Variants in GBE1 observed in about 807,000 individuals in gnomAD.
GBE1 encodes 1,4-alpha-glucan branching enzyme 1.
A neutral mutation model predicts 88.8 loss-of-function variants in GBE1; 70 were observed. The ratio of observed to expected loss-of-function variants is 0.79; its 90% CI spans 0.65 to 0.96. The LOEUF is 0.96. Among genes scored for constraint, GBE1 ranks in the 40% least tolerant of loss-of-function variants. The pLI is 0.00. For synonymous variants in GBE1, 284 were observed against 300.1 expected (o/e 0.95, Z 0.56); for missense variants, 872 against 871.0 (o/e 1.00, Z -0.01).
At chr3:81,635,477 A>C (rs1203591353) in intron 7 of GBE1, among the ~76,000 whole-genome samples, 1 of 152,210 alleles carries the variant, frequency 6.6e-6, no homozygotes, top group African/African-American at 2.4e-5. Flanking sequence ...AAGTGACTCA[A>C]TGTAACATGA....
At chr3:81,549,776 C>G (rs1703249470) in intron 12 of GBE1, among the ~76,000 whole-genome samples, 1 of 151,562 alleles carries the variant, frequency 6.6e-6, no homozygotes, top group Non-Finnish European at 1.5e-5. Context: ...TCTTGCTGTA[C>G]TTTATACAAA....
At chr3:81,518,255 A>C (rs1002120059) in intron 14 of GBE1, among the ~76,000 whole-genome samples, 2 of 151,384 alleles carry the variant, frequency 1.3e-5, no homozygotes, top group African/African-American at 4.8e-5. Context: ...AAGTGAAGAG[A>C]CCATCATTGC....
intron 1 of GBE1, among the ~76,000 whole-genome samples, chr3:81,760,164 T>C (rs2680281): frequency 0.016 from 2,403 of 152,302 alleles, 57 homozygotes; most frequent in African/African-American, 0.054. Flanking sequence ...TCTGATTAAG[T>C]GAGGGACAGC....
At chr3:81,496,178 C>T (rs935489389) in intron 15 of GBE1, among the ~76,000 whole-genome samples, 1 of 152,136 alleles carries the variant, frequency 6.6e-6, no homozygotes, top group Non-Finnish European at 1.5e-5. Context: ...CAATAACTGC[C>T]AGTAAAGCAG....
At chr3:81,735,824 T>G (rs1706250409) in intron 1 of GBE1, among the ~76,000 whole-genome samples, 1 of 152,116 alleles carries the variant, frequency 6.6e-6, no homozygotes, top group African/African-American at 2.4e-5. Flanking sequence ...GTAGCAAATG[T>G]CAAGTTTCTA....
At position 81,501,994 on chromosome 3, in the gene GBE1, T is replaced by C. The variant is rs185976489; in HGVS notation, c.1935-2767A>G. Among the ~76,000 whole-genome samples, 531 of 145,906 alleles carry C rather than the reference T, an allele frequency of 3.6e-3. 9 individuals are homozygous for C. The highest frequency in any genetic ancestry group is 3.1e-3 in the Non-Finnish European group (206 of 67,264). The stretch of plus-strand genomic sequence containing the variant: ...GATTAATGAGCTACCATGCCTGGAA[T>C]GCTTTTTTTTTTTTTTTCTCTTAAT... On this transcript the variant is annotated intron_variant, in intron 14 of 15. Coordinates refer to ENST00000429644, the MANE Select transcript of GBE1 (RefSeq NM_000158.4).
At chr3:81,505,640 T>C (rs1431296700) in intron 14 of GBE1, among the ~76,000 whole-genome samples, 3 of 152,156 alleles carry the variant, frequency 2.0e-5, no homozygotes, top group African/African-American at 7.2e-5. Context: ...AGTTTCTTTC[T>C]CTAGTCTCTT....
chr3:81,538,559 T>C (rs1703104489), intron 12 of GBE1, among the ~76,000 whole-genome samples: 1 of 151,994 alleles, frequency 6.6e-6, no homozygotes, highest in Admixed American at 6.6e-5. Flanking sequence ...ACAAGGAATG[T>C]CCCTCTGCTA....
At chr3:81,679,269 T>G (rs1705305297) in intron 2 of GBE1, among the ~76,000 whole-genome samples, 1 of 152,194 alleles carries the variant, frequency 6.6e-6, no homozygotes, top group Non-Finnish European at 1.5e-5. Context: ...GCATAAGGTT[T>G]AATACACTTA....
chr3:81,648,840 C>A lies in GBE1; in HGVS notation c.691+16G>T. The A allele has an allele frequency of 1.4e-6, 2 of 1,421,324 alleles. No individual in the cohort carries two copies. The highest frequency in any genetic ancestry group is 3.0e-5 in the South Asian group (2 of 66,178). The allele number at this position is 1,421,324 out of a possible 1,614,324, so 88.0% of individuals were successfully genotyped here. On this transcript the variant is annotated intron_variant, in intron 5 of 15. Transcript: ENST00000429644. Reference sequence around the variant, plus strand: ...ATTAAAATTTTATCTGAATAAAAATCACAGTTATTACTTACCAAGGCCTTT... The same window carrying A: ...ATTAAAATTTTATCTGAATAAAAATAACAGTTATTACTTACCAAGGCCTTT...
At chr3:81,547,692 G>A (rs888004919) in intron 12 of GBE1, among the ~76,000 whole-genome samples, 2 of 149,286 alleles carry the variant, frequency 1.3e-5, no homozygotes, top group Non-Finnish European at 3.0e-5. Context: ...CAAACTGGTT[G>A]AATGAATGGT....
At chr3:81,644,165 G>A (rs763875558) in intron 6 of GBE1, among the ~76,000 whole-genome samples, 8 of 151,192 alleles carry the variant, frequency 5.3e-5, no homozygotes, top group Middle Eastern at 3.4e-3. Flanking sequence ...ATACACCAGC[G>A]AAAAAAATAA....
At chr3:81,563,256 T>A (rs1559645978) in intron 12 of GBE1, among the ~76,000 whole-genome samples, 1 of 152,128 alleles carries the variant, frequency 6.6e-6, no homozygotes. Context: ...GTGTGCTAAG[T>A]GGCTGTGAGC....
intron 12 of GBE1, among the ~76,000 whole-genome samples, chr3:81,559,161 A>G (rs1274424418): frequency 6.6e-6 from 1 of 152,074 alleles, no homozygotes; most frequent in Non-Finnish European, 1.5e-5. Context: ...GTAAGGAACA[A>G]TATGGGGACA....
chr3:81,549,092 G>A (rs1046987487), intron 12 of GBE1, among the ~76,000 whole-genome samples: 2 of 140,824 alleles, frequency 1.4e-5, no homozygotes, highest in Non-Finnish European at 3.1e-5. Flanking sequence ...GTGCAGTGGT[G>A]TGATCTCACT....
chr3:81,499,150 GAA>G lies in GBE1; in HGVS notation c.2010_2011del (p.Ser671Ter). On this transcript the variant is annotated frameshift_variant, in exon 15 of 16. Transcript: ENST00000429644. LOFTEE classifies it high-confidence loss of function. ...ACGCCCATTATGTTCAAAAGCCTCA[GAA>G]AAAAAGTCAGTGCTGTGGTCCAGTC... 1 of 1,611,206 alleles carries G rather than the reference GAA, an allele frequency of 6.2e-7. No individual in the cohort carries two copies. Among genetic ancestry groups the G allele is most frequent in the Non-Finnish European group, 8.5e-7 (1 of 1,178,314 alleles).
intron 7 of GBE1, among the ~76,000 whole-genome samples, chr3:81,624,348 T>C (rs1704374185): frequency 6.6e-6 from 1 of 152,170 alleles, no homozygotes; most frequent in African/African-American, 2.4e-5. Context: ...CAAGATGAGA[T>C]CTGGGTGAGG....
chr3:81,509,035 T>G (rs1702690129), intron 14 of GBE1, among the ~76,000 whole-genome samples: 1 of 152,138 alleles, frequency 6.6e-6, no homozygotes, highest in South Asian at 2.1e-4. Context: ...CTGTGGCTAT[T>G]ATTACTATAG....
intron 2 of GBE1, among the ~76,000 whole-genome samples, chr3:81,686,696 G>A (rs1421341562): frequency 6.6e-6 from 1 of 151,926 alleles, no homozygotes; most frequent in Non-Finnish European, 1.5e-5. Flanking sequence ...CAGAGGTTGT[G>A]GTGAGCTGAG....
Sources: gnomAD v4.1 joint callset for allele counts (sites outside exome capture counted in the v4.1 genomes callset) on GRCh38, gnomAD v4.1.1 for gene constraint, MANE v1.5 for transcripts, NCBI Gene and HGNC (gene_info 2026-07-23, HGNC 2026-07-21) for gene names.